PKNOX2: variants seen among roughly 807,000 people sequenced by gnomAD.
The protein encoded by PKNOX2 is homeobox protein PKNOX2.
In PKNOX2, 14 loss-of-function variants were observed where a neutral mutation model predicts 53.1. That is an observed-to-expected ratio of 0.26 (90% confidence interval 0.17 to 0.41). The LOEUF (loss-of-function observed/expected upper bound fraction) is 0.41, where lower values mean the gene tolerates loss of function less well. Among genes scored for constraint, PKNOX2 ranks in the 10% least tolerant of loss-of-function variants. The probability of loss-of-function intolerance (pLI) is 1.00; values close to 1 mark genes in which losing one functional copy is unlikely to be tolerated. For missense variants in PKNOX2, 496 were observed against 602.8 expected (o/e 0.82, Z 1.85); for synonymous variants, 257 against 242.8 (o/e 1.06, Z -0.54).
At chr11:125,220,768 G>A (rs1359988022) in intron 1 of PKNOX2, among the ~76,000 whole-genome samples, 1 of 152,146 alleles carries the variant, frequency 6.6e-6, no homozygotes, top group Non-Finnish European at 1.5e-5. Flanking sequence ...ATGTTCCTCC[G>A]AAGTTTCAAA....
chr11:125,236,453 A>G (rs992234314), intron 2 of PKNOX2, among the ~76,000 whole-genome samples: 5 of 152,118 alleles, frequency 3.3e-5, no homozygotes, highest in Non-Finnish European at 7.4e-5. Flanking sequence ...TCCTCCTCGC[A>G]TCGGAGGTTA....
At chr11:125,221,898 C>T (rs965284387) in intron 1 of PKNOX2, among the ~76,000 whole-genome samples, 3 of 152,218 alleles carry the variant, frequency 2.0e-5, no homozygotes, top group African/African-American at 7.2e-5. Context: ...CACTGCCCGC[C>T]CGGGCTGTAG....
At chr11:125,341,847 C>T (rs962932735) in intron 3 of PKNOX2, among the ~76,000 whole-genome samples, 1 of 152,286 alleles carries the variant, frequency 6.6e-6, no homozygotes, top group Non-Finnish European at 1.5e-5. Flanking sequence ...CCTCTCGCAT[C>T]ATGGCTGTCA....
chr11:125,272,023 A>G (rs1182111821), intron 2 of PKNOX2, among the ~76,000 whole-genome samples: 2 of 152,220 alleles, frequency 1.3e-5, no homozygotes, highest in Non-Finnish European at 2.9e-5. Context: ...AAATCACAGA[A>G]CACTATAAGC....
intron 2 of PKNOX2, among the ~76,000 whole-genome samples, chr11:125,254,620 G>A (rs1227171590): frequency 6.6e-6 from 1 of 152,220 alleles, no homozygotes; most frequent in Admixed American, 6.5e-5. Flanking sequence ...CCCTGCACAG[G>A]TTGTGTAGGG....
chr11:125,431,184 A>G lies in PKNOX2; in HGVS notation c.1211A>G (p.Asn404Ser). The G allele has an allele frequency of 2.5e-6, 4 of 1,613,632 alleles. No homozygotes were observed. The highest frequency in any genetic ancestry group is 3.4e-6 in the Non-Finnish European group (4 of 1,179,834). Residue 404 changes from asparagine (N) to serine (S), a missense_variant, in exon 13 of 13, where the codon AAC becomes AGC. By Grantham distance (46) the Asn-to-Ser change is conservative. Around this residue, in one of 5 missense-constraint regions of PKNOX2, gnomAD observed 139 missense variants for 161.3 expected, o/e 0.86. Transcript: ENST00000298282. ...CTCGCAGGTTCCATCAACTTGGACAACCTGCAGTCCCTGTCCTCAGACAGT... is the reference window on the plus strand; with the variant it reads ...CTCGCAGGTTCCATCAACTTGGACAGCCTGCAGTCCCTGTCCTCAGACAGT... The part of the protein sequence containing the change: ...TNPDGSINLD[N>S]LQSLSSDSAT...
chr11:125,431,399 A>C lies in PKNOX2; in HGVS notation c.*7A>C. 1 of 1,403,954 alleles carries C rather than the reference A, an allele frequency of 7.1e-7. No homozygotes were observed. Among genetic ancestry groups the C allele is most frequent in the Non-Finnish European group, 9.5e-7 (1 of 1,049,768 alleles). The allele number at this position is 1,403,954 out of a possible 1,614,324, so 87.0% of individuals were successfully genotyped here. On this transcript the variant is annotated 3_prime_UTR_variant, in exon 13 of 13. Coordinates refer to ENST00000298282, the MANE Select transcript of PKNOX2 (RefSeq NM_001382323.2). ...CAGTGACTCCCTGGAGTAGTCGGGC[A>C]GCCCAGATGGCACTGATCACTGAGC... is the stretch of plus-strand genomic sequence containing the variant.
chr11:125,402,532 G>C (rs1000219479), intron 7 of PKNOX2, among the ~76,000 whole-genome samples: 5 of 152,142 alleles, frequency 3.3e-5, no homozygotes, highest in African/African-American at 9.7e-5. Context: ...GCGTTTGGGG[G>C]GCACTCACTG....
rs543267024 is a variant in PKNOX2 at position 125,378,290 on chromosome 11, C to T, written c.228-7261C>T. 4.6e-5 allele frequency among the ~76,000 whole-genome samples: 7 copies of T among 152,326 alleles called. No individual in the cohort carries two copies. In the East Asian group the frequency reaches 7.7e-4, roughly 17 times the overall value. On this transcript the variant is annotated intron_variant, in intron 5 of 12. Transcript: ENST00000298282. Reference sequence around the variant, plus strand: ...ACCGATCCCTGCGTGCCCCACCTCACCCCACCCCACCGGCCAACAGCCTTG... The same window carrying T: ...ACCGATCCCTGCGTGCCCCACCTCATCCCACCCCACCGGCCAACAGCCTTG...
In PKNOX2 at chr11:125,414,197, A is replaced by G. The variant is rs377734801; in HGVS notation, c.936+2332A>G. ...GGAAGGGGAGGTGGAGAAGAGAGGA[A>G]GTAGTAGCTGAGCACAGAGTGAGGC... On this transcript the variant is annotated intron_variant, in intron 10 of 12. Transcript: ENST00000298282. Among the ~76,000 whole-genome samples the G allele has an allele frequency of 1.2e-4, 18 of 152,292 alleles. 2 individuals carry two copies. The highest frequency in any genetic ancestry group is 4.1e-4 in the African/African-American group (17 of 41,572).
intron 2 of PKNOX2, among the ~76,000 whole-genome samples, chr11:125,270,690 C>T (rs1430264020): frequency 6.6e-6 from 1 of 152,318 alleles, no homozygotes; most frequent in East Asian, 1.9e-4. Context: ...GTGGACTCCT[C>T]AGCCTGTAAT....
At chr11:125,241,442 A>G (rs966067447) in intron 2 of PKNOX2, among the ~76,000 whole-genome samples, 4 of 152,122 alleles carry the variant, frequency 2.6e-5, no homozygotes, top group Non-Finnish European at 5.9e-5. Context: ...GTAGACCATC[A>G]CAAGACTCAA....
At chr11:125,359,631 C>A (rs1565505956) in intron 4 of PKNOX2, among the ~76,000 whole-genome samples, 1 of 152,194 alleles carries the variant, frequency 6.6e-6, no homozygotes, top group Admixed American at 6.5e-5. Flanking sequence ...GACCTCTTCC[C>A]GGGTCCTTGG....
intron 2 of PKNOX2, 45 bp from the exon 3 acceptor site, chr11:125,331,774 A>G (rs1456391806): frequency 2.6e-5 from 4 of 152,296 alleles, no homozygotes; most frequent in Non-Finnish European, 5.9e-5. Flanking sequence ...CCACCCCTGC[A>G]CTTCTTGCCT....
intron 6 of PKNOX2, among the ~76,000 whole-genome samples, chr11:125,388,474 T>TTA (rs1953802315): frequency 6.6e-6 from 1 of 152,222 alleles, no homozygotes; most frequent in Non-Finnish European, 1.5e-5. Flanking sequence ...GATTTATTTC[T>TTA]TATATATATG....
chr11:125,246,918 C>CTTTA (rs1183781714), intron 2 of PKNOX2, among the ~76,000 whole-genome samples: 1 of 152,200 alleles, frequency 6.6e-6, no homozygotes, highest in Non-Finnish European at 1.5e-5. Context: ...CATCAAAAGA[C>CTTTA]TTTAATAAAT....
intron 3 of PKNOX2, among the ~76,000 whole-genome samples, chr11:125,339,477 C>G (rs925478680): frequency 1.3e-5 from 2 of 152,178 alleles, no homozygotes; most frequent in African/African-American, 4.8e-5. Context: ...TTAGCCTGTG[C>G]GTCATGGACA....
rs1487631666 is a variant in PKNOX2, at chr11:125,411,970, G to A, written c.936+105G>A. The stretch of plus-strand genomic sequence containing the variant: ...TCGGCTCCAAACCCACAGACAGAGG[G>A]CGCGGCCTCGGGGAGAGCTCTCTGA... On this transcript the variant is annotated intron_variant, in intron 10 of 12. Coordinates refer to ENST00000298282, the MANE Select transcript of PKNOX2 (RefSeq NM_001382323.2). The A allele has an allele frequency of 3.2e-6, 5 of 1,541,422 alleles. No homozygotes were observed. In the African/African-American group the frequency reaches 6.8e-5, roughly 21 times the overall value.
intron 3 of PKNOX2, among the ~76,000 whole-genome samples, chr11:125,345,319 T>C (rs1407381105): frequency 1.3e-5 from 2 of 152,164 alleles, no homozygotes; most frequent in African/African-American, 4.8e-5. Context: ...GACAAACCCC[T>C]GCTCACATGG....
Sources: gnomAD v4.1 joint callset for allele counts (sites outside exome capture counted in the v4.1 genomes callset) on GRCh38, gnomAD v4.1.1 for gene constraint, gnomAD v4.1.1 regional missense constraint, MANE v1.5 for transcripts, NCBI Gene and HGNC (gene_info 2026-07-23, HGNC 2026-07-21) for gene names.